FHIT: variants seen among roughly 807,000 people sequenced by gnomAD.
FHIT encodes fragile histidine triad diadenosine triphosphatase.
A neutral mutation model predicts 17.9 loss-of-function variants in FHIT; 19 were observed. That is an observed-to-expected ratio of 1.06 (90% CI 0.74 to 1.56). The LOEUF (loss-of-function observed/expected upper bound fraction) is 1.56, where lower values mean the gene tolerates loss of function less well. Among genes scored for constraint, FHIT ranks in the 40% most tolerant of loss-of-function variants. The probability of loss-of-function intolerance (pLI) is 0.00; values close to 1 mark genes in which losing one functional copy is unlikely to be tolerated. For synonymous variants in FHIT, 81 were observed against 69.7 expected, an observed-to-expected ratio of 1.16 and a Z score of -0.81; for missense variants, 248 against 189.2, an observed-to-expected ratio of 1.31 and a Z score of -1.82.
chr3:59,940,598 C>T (rs1259715124), intron 7 of FHIT, among the ~76,000 whole-genome samples: 1 of 152,096 alleles, frequency 6.6e-6, no homozygotes, highest in Non-Finnish European at 1.5e-5. Context: ...GGAAGTGGAG[C>T]TTGGTGATTA....
chr3:60,425,703 CATG>C (rs1189149040), intron 5 of FHIT, among the ~76,000 whole-genome samples: 3 of 151,984 alleles, frequency 2.0e-5, no homozygotes, highest in Non-Finnish European at 4.4e-5. Flanking sequence ...ACAGATTTAT[CATG>C]ATGTTAAAAG....
At chr3:61,187,663 T>C (rs563600028) in intron 2 of FHIT, among the ~76,000 whole-genome samples, 4 of 152,276 alleles carry the variant, frequency 2.6e-5, no homozygotes, top group South Asian at 2.1e-4. Context: ...TATTCCAAAA[T>C]TGACCACATA....
chr3:60,956,410 G>C (rs1709162328), intron 3 of FHIT, among the ~76,000 whole-genome samples: 2 of 152,088 alleles, frequency 1.3e-5, no homozygotes, highest in African/African-American at 2.4e-5. Flanking sequence ...TCTCTCTTGG[G>C]CTGCAGGTTC....
intron 5 of FHIT, among the ~76,000 whole-genome samples, chr3:60,181,598 CAGAGT>C (rs1701940421): frequency 1.3e-5 from 2 of 152,132 alleles, no homozygotes; most frequent in African/African-American, 4.8e-5. Context: ...AACAGAAGAC[CAGAGT>C]AGAGTTTAGG....
intron 8 of FHIT, among the ~76,000 whole-genome samples, chr3:59,769,241 G>A (rs1302068282): frequency 6.6e-6 from 1 of 151,880 alleles, no homozygotes; most frequent in Non-Finnish European, 1.5e-5. Flanking sequence ...AACTTGAGAG[G>A]AAACAGAAAC....
intron 8 of FHIT, among the ~76,000 whole-genome samples, chr3:59,881,936 TA>T (rs1297578395): frequency 1.3e-5 from 2 of 152,162 alleles, no homozygotes; most frequent in African/African-American, 4.8e-5. Context: ...TGTTACTAAA[TA>T]ATAGCAATAT....
intron 5 of FHIT, among the ~76,000 whole-genome samples, chr3:60,136,046 G>GT (rs1211300506): frequency 6.6e-6 from 1 of 152,064 alleles, no homozygotes; most frequent in Non-Finnish European, 1.5e-5. Flanking sequence ...CCACTAAACT[G>GT]TAAACTCCAT....
chr3:60,744,263 C>CAAAAAAAAAAAAAAAAAAAAAAAAA (rs1201886354), intron 4 of FHIT, among the ~76,000 whole-genome samples: 2 of 85,984 alleles, frequency 2.3e-5, no homozygotes, highest in Non-Finnish European at 4.6e-5. Flanking sequence ...AAAAACAAAA[C>CAAAAAAAAAAAAAAAAAAAAAAAAA]AAAACAAAAA....
At chr3:60,698,172 G>A (rs141457257) in intron 4 of FHIT, among the ~76,000 whole-genome samples, 1 of 152,174 alleles carries the variant, frequency 6.6e-6, no homozygotes, top group African/African-American at 2.4e-5. Context: ...GAAATGGGAT[G>A]ACCTTTCAAA....
rs114821742 is a variant in FHIT at position 59,758,297 on chromosome 3, C to T, written c.349-5976G>A. Among the ~76,000 whole-genome samples, 586 of 152,308 alleles carry T rather than the reference C, an allele frequency of 3.8e-3. 5 individuals carry two copies. The highest frequency in any genetic ancestry group is 0.013 in the African/African-American group (560 of 41,576). ...CATGGTCAGCTTCACCAACTAATTACAGCACTGTTCCCTGATGAATCCTGA... is the reference window on the plus strand; with the variant it reads ...CATGGTCAGCTTCACCAACTAATTATAGCACTGTTCCCTGATGAATCCTGA... On this transcript the variant is annotated intron_variant, in intron 8 of 9. Transcript: ENST00000492590.
intron 4 of FHIT, among the ~76,000 whole-genome samples, chr3:60,768,573 T>C (rs782364224): frequency 6.6e-5 from 10 of 152,194 alleles, no homozygotes; most frequent in Admixed American, 1.3e-4. Flanking sequence ...GAAACATCAA[T>C]AAGGAAATCT....
intron 3 of FHIT, among the ~76,000 whole-genome samples, chr3:60,853,952 CTTAAT>C (rs1463451351): frequency 3.9e-5 from 6 of 152,088 alleles, no homozygotes; most frequent in Admixed American, 2.6e-4. Flanking sequence ...TCATGTAAAA[CTTAAT>C]TTGAGTCCTG....
chr3:60,182,861 C>T (rs1018362179), intron 5 of FHIT, among the ~76,000 whole-genome samples: 11 of 148,750 alleles, frequency 7.4e-5, no homozygotes, highest in Non-Finnish European at 1.6e-4. Flanking sequence ...TGCTGCCAGT[C>T]GGGGGCAGTG....
intron 4 of FHIT, among the ~76,000 whole-genome samples, chr3:60,560,395 C>A (rs2036894873): frequency 6.6e-6 from 1 of 151,942 alleles, no homozygotes; most frequent in Non-Finnish European, 1.5e-5. Context: ...GCCTATCAGC[C>A]CCCTCCCAAG....
At chr3:60,774,756 G>C (rs1700162889) in intron 4 of FHIT, among the ~76,000 whole-genome samples, 1 of 152,160 alleles carries the variant, frequency 6.6e-6, no homozygotes, top group Non-Finnish European at 1.5e-5. Context: ...CAGTGGATCT[G>C]ATCACAGAGC....
intron 5 of FHIT, among the ~76,000 whole-genome samples, chr3:60,485,738 C>G (rs2033810520): frequency 6.6e-6 from 1 of 152,012 alleles, no homozygotes; most frequent in African/African-American, 2.4e-5. Flanking sequence ...ATGTAACAAA[C>G]CTGCATGTTC....
chr3:60,764,795 TATA>T (rs1452054759), intron 4 of FHIT, among the ~76,000 whole-genome samples: 2 of 150,888 alleles, frequency 1.3e-5, no homozygotes, highest in Non-Finnish European at 3.0e-5. Flanking sequence ...TGTACAAATA[TATA>T]ATGTTATATA....
intron 4 of FHIT, among the ~76,000 whole-genome samples, chr3:60,565,801 A>G (rs2037113732): frequency 6.6e-6 from 1 of 152,076 alleles, no homozygotes. Context: ...GCCTTCTGCT[A>G]GCTTTTGAAT....
intron 3 of FHIT, among the ~76,000 whole-genome samples, chr3:60,902,139 A>G (rs1706147217): frequency 6.6e-6 from 1 of 152,160 alleles, no homozygotes; most frequent in Non-Finnish European, 1.5e-5. Flanking sequence ...TATCATCCCA[A>G]AAAGTTCCCA....
Sources: gnomAD v4.1 joint callset for allele counts (sites outside exome capture counted in the v4.1 genomes callset) on GRCh38, gnomAD v4.1.1 for gene constraint, MANE v1.5 for transcripts, NCBI Gene and HGNC (gene_info 2026-07-23, HGNC 2026-07-21) for gene names.